SLIT1: variants seen among roughly 807,000 people sequenced by gnomAD.
SLIT1 encodes the protein slit guidance ligand 1.
In SLIT1, 66 loss-of-function variants were observed where a neutral mutation model predicts 186.1. That is an observed-to-expected ratio of 0.35 (90% confidence interval 0.29 to 0.44). The LOEUF is 0.44. Among genes scored for constraint, SLIT1 ranks in the 20% least tolerant of loss-of-function variants. SLIT1 has a pLI of 1.00. For missense variants in SLIT1, 1,638 were observed against 2,037.4 expected, an observed-to-expected ratio of 0.80 and a Z score of 3.77; for synonymous variants, 761 against 833.8, an observed-to-expected ratio of 0.91 and a Z score of 1.50.
intron 4 of SLIT1, among the ~76,000 whole-genome samples, chr10:97,149,071 C>T (rs2784926): frequency 0.95 from 144,248 of 152,328 alleles, 68,781 homozygotes; most frequent in East Asian, 1. Flanking sequence ...CTTCAGGCCC[C>T]GGGCTCCCTT....
chr10:97,030,913 G>A (rs1848584741), intron 24 of SLIT1, 85 bp from the exon 25 acceptor site: 5 of 1,195,078 alleles, frequency 4.2e-6, no homozygotes, highest in Non-Finnish European at 6.2e-6. Context: ...CCTCTGCAGA[G>A]AGGGGACAGG....
At chr10:97,161,659 T>A in intron 3 of SLIT1, among the ~76,000 whole-genome samples, 1 of 152,086 alleles carries the variant, frequency 6.6e-6, no homozygotes, top group Admixed American at 6.6e-5. Flanking sequence ...GCGCCTGTAA[T>A]CCCAGCTACT....
At chr10:97,165,600 C>T (rs1850094183) in intron 1 of SLIT1, among the ~76,000 whole-genome samples, 2 of 152,248 alleles carry the variant, frequency 1.3e-5, no homozygotes, top group South Asian at 4.1e-4. Flanking sequence ...GAGTCGGAAG[C>T]TGTCAGAAGC....
intron 4 of SLIT1, among the ~76,000 whole-genome samples, chr10:97,092,138 T>C (rs1213316827): frequency 6.6e-6 from 1 of 152,204 alleles, no homozygotes; most frequent in East Asian, 1.9e-4. Flanking sequence ...ACTGCTGAGA[T>C]TGTCAAGCAG....
In SLIT1 at chr10:97,184,690, A is replaced by AT. The variant is rs1031519346; in HGVS notation, c.197+787dup. On this transcript the variant is annotated intron_variant, in intron 1 of 36. Transcript: ENST00000266058. This position sits in a 1 kb window ranked among gnomAD's most constrained non-coding sequence, Gnocchi z 4.4. ...GACAGAACAGGGGAAGAGAAATGCT[A>AT]TTTTTTTATTACTTGTCATGGTCAA... Among the ~76,000 whole-genome samples, 7 of 152,114 alleles carry AT rather than the reference A, an allele frequency of 4.6e-5. No homozygotes were observed. Among genetic ancestry groups the AT allele is most frequent in the African/African-American group, 1.4e-4 (6 of 41,420 alleles).
At chr10:97,082,155 C>T (rs1334772074) in intron 4 of SLIT1, among the ~76,000 whole-genome samples, 2 of 152,226 alleles carry the variant, frequency 1.3e-5, no homozygotes, top group Non-Finnish European at 2.9e-5. Context: ...CAGACCTCCC[C>T]GCTGCCTGCC....
At chr10:97,080,821 G>A (rs1204244348) in intron 4 of SLIT1, among the ~76,000 whole-genome samples, 1 of 152,204 alleles carries the variant, frequency 6.6e-6, no homozygotes, top group Non-Finnish European at 1.5e-5. Context: ...TTGGCTTTTA[G>A]CAAAAATGGC....
chr10:97,134,923 G>C (rs938119270), intron 4 of SLIT1, among the ~76,000 whole-genome samples: 4 of 152,164 alleles, frequency 2.6e-5, no homozygotes, highest in African/African-American at 9.7e-5. Context: ...ACCAAATGAG[G>C]GGTCTCCTCT....
chr10:97,166,649 G>A lies in SLIT1; in HGVS notation c.198-1759C>T, dbSNP rs56729805. On this transcript the variant is annotated intron_variant, in intron 1 of 36. Coordinates refer to ENST00000266058, the MANE Select transcript of SLIT1 (RefSeq NM_003061.3). ...AGAAAAGAAAAGAAAAGAAAGGAAA[G>A]GAAAAGAAAAGAAAAGAGAAAAGAA... 4.9e-4 allele frequency among the ~76,000 whole-genome samples: 66 copies of A among 135,260 alleles called. 1 individual carries two copies. In the East Asian group the frequency reaches 0.011, roughly 22 times the overall value. 88.7% of individuals were successfully genotyped at this position (135,260 alleles called of 152,430 possible).
At chr10:97,091,593 C>T (rs1005746435) in intron 4 of SLIT1, among the ~76,000 whole-genome samples, 3 of 152,214 alleles carry the variant, frequency 2.0e-5, no homozygotes, top group Non-Finnish European at 4.4e-5. Flanking sequence ...TCCTGCTGGT[C>T]CCTTCATTCA....
chr10:97,058,456 C>T (rs560494015), intron 11 of SLIT1, among the ~76,000 whole-genome samples: 2 of 152,328 alleles, frequency 1.3e-5, no homozygotes, highest in Admixed American at 6.5e-5. Flanking sequence ...GAGGAAGGGC[C>T]CTGCATTTTG....
intron 25 of SLIT1, among the ~76,000 whole-genome samples, chr10:97,030,534 C>A (rs971889323): frequency 2.0e-5 from 3 of 152,242 alleles, no homozygotes; most frequent in African/African-American, 7.2e-5. Flanking sequence ...ATGGTCATGA[C>A]AACCTTCACT....
At chr10:97,173,494 CTTTTT>C (rs71007318) in intron 1 of SLIT1, among the ~76,000 whole-genome samples, 20 of 128,158 alleles carry the variant, frequency 1.6e-4, no homozygotes, top group Admixed American at 4.0e-4. Flanking sequence ...CAGCTCCATC[CTTTTT>C]TTTTTTTTTT....
At chr10:97,033,223 AT>A (rs1247093609) in intron 23 of SLIT1, among the ~76,000 whole-genome samples, 1 of 151,698 alleles carries the variant, frequency 6.6e-6, no homozygotes, top group Non-Finnish European at 1.5e-5. Context: ...TAATTTTTTT[AT>A]TTTGTATTTT....
At chr10:97,059,398 C>A in intron 11 of SLIT1, 62 bp downstream of exon 11, 1 of 1,375,162 alleles carries the variant, frequency 7.3e-7, no homozygotes, top group Non-Finnish European at 1.0e-6. Context: ...GGACCCTGGG[C>A]CCTGCCAGCC....
intron 25 of SLIT1, among the ~76,000 whole-genome samples, chr10:97,024,903 G>A (rs1257053195): frequency 1.3e-5 from 2 of 152,110 alleles, no homozygotes; most frequent in African/African-American, 2.4e-5. Flanking sequence ...CGTGGCTTAC[G>A]GTCCCTCCAT....
chr10:97,048,621 A>C (rs1036767190), intron 14 of SLIT1, among the ~76,000 whole-genome samples: 1 of 152,120 alleles, frequency 6.6e-6, no homozygotes, highest in Non-Finnish European at 1.5e-5. Flanking sequence ...TTGGGCCCAC[A>C]CCCTCCAGTC....
chr10:97,185,532 T>C lies in SLIT1; in HGVS notation c.143A>G (p.His48Arg), dbSNP rs757399084. 1.5e-5 allele frequency: 24 copies of C among 1,612,130 alleles called. No homozygotes were observed. Among genetic ancestry groups the C allele is most frequent in the Non-Finnish European group, 1.9e-5 (22 of 1,179,684 alleles). ...CTCTGTTVDC[H>R]GTGLQAIPKN... ...GGGAATGGCCTGCAGCCCCGTGCCG[T>C]GGCAGTCCACCGTGGTTCCGGTGCA... Residue 48 changes from histidine to arginine, a missense_variant, in exon 1 of 37, where the codon CAC (histidine) becomes CGC (arginine). His to Arg is a conservative substitution (Grantham distance 29, BLOSUM62 0). Transcript: ENST00000266058.
In SLIT1 at chr10:97,046,649, C is replaced by T. The variant is rs1564661194; in HGVS notation, c.1853+5G>A. 1.2e-6 allele frequency: 2 copies of T among 1,604,630 alleles called. No individual in the cohort carries two copies. The highest frequency in any genetic ancestry group is 1.7e-6 in the Non-Finnish European group (2 of 1,178,972). ...CCACCCTGCTCCCCAGCCCTGCACA[C>T]TCACAGGGTCCTCAAGCCATCCAGA... On this transcript the variant is annotated splice_donor_5th_base_variant and intron_variant, in intron 18 of 36. Coordinates refer to ENST00000266058, the MANE Select transcript of SLIT1 (RefSeq NM_003061.3).
Sources: gnomAD v4.1 joint callset for allele counts (sites outside exome capture counted in the v4.1 genomes callset) on GRCh38, gnomAD v4.1.1 for gene constraint, Gnocchi (gnomAD v3.1) non-coding constraint, MANE v1.5 for transcripts, NCBI Gene and HGNC (gene_info 2026-07-23, HGNC 2026-07-21) for gene names.